NFIB: variants seen among roughly 807,000 people sequenced by gnomAD.
NFIB encodes nuclear factor I B.
Under a neutral mutation model 61.5 loss-of-function variants are expected in NFIB, and 11 were observed. That is an observed-to-expected ratio of 0.18 (90% CI 0.11 to 0.30). The LOEUF (loss-of-function observed/expected upper bound fraction) is 0.30, where lower values mean the gene tolerates loss of function less well. Ranked by LOEUF, NFIB falls within the 10% of genes least tolerant of loss-of-function variation. NFIB has a pLI of 1.00. For synonymous variants in NFIB, 260 were observed against 216.5 expected (o/e 1.20, Z -1.76); for missense variants, 471 against 608.9 (o/e 0.77, Z 2.38).
intron 6 of NFIB, among the ~76,000 whole-genome samples, chr9:14,144,474 A>G (rs1344609397): frequency 6.6e-6 from 1 of 152,128 alleles, no homozygotes; most frequent in Non-Finnish European, 1.5e-5. Flanking sequence ...CACTTCTGCA[A>G]CTCTGGTAAA....
intron 2 of NFIB, among the ~76,000 whole-genome samples, chr9:14,208,231 G>A (rs984787420): frequency 2.0e-5 from 3 of 151,810 alleles, no homozygotes; most frequent in Non-Finnish European, 4.4e-5. Context: ...AAAGCAATAC[G>A]TGGTGTTAAA....
chr9:14,145,129 A>AG (rs35601408), intron 6 of NFIB, among the ~76,000 whole-genome samples: 5,362 of 151,458 alleles, frequency 0.035, 158 homozygotes, highest in Non-Finnish European at 0.059. Context: ...ATTCCGTCTG[A>AG]GGGGGGGGTC....
intron 4 of NFIB, among the ~76,000 whole-genome samples, chr9:14,150,502 C>G (rs550749360): frequency 6.6e-6 from 1 of 151,960 alleles, no homozygotes; most frequent in Non-Finnish European, 1.5e-5. Context: ...ACCAATTTCC[C>G]GAATCCTATT....
intron 2 of NFIB, among the ~76,000 whole-genome samples, chr9:14,256,401 C>A (rs1318120429): frequency 6.6e-6 from 1 of 151,906 alleles, no homozygotes; most frequent in African/African-American, 2.4e-5. Context: ...AGACAAGAAC[C>A]CCTCCTTACA....
chr9:14,382,685 G>A (rs2061502859), intron 1 of NFIB, among the ~76,000 whole-genome samples: 1 of 152,066 alleles, frequency 6.6e-6, no homozygotes, highest in African/African-American at 2.4e-5. Flanking sequence ...AGCACTGTTT[G>A]TAACAGCCCC....
the NFIB span, among the ~76,000 whole-genome samples, chr9:14,500,348 AC>A: frequency 6.6e-6 from 1 of 152,092 alleles, no homozygotes; most frequent in Non-Finnish European, 1.5e-5. Flanking sequence ...GAACACGTTT[AC>A]CCCCACAGTG....
chr9:14,229,365 G>A (rs1280263877), intron 2 of NFIB, among the ~76,000 whole-genome samples: 1 of 152,082 alleles, frequency 6.6e-6, no homozygotes, highest in Non-Finnish European at 1.5e-5. Flanking sequence ...GCCTTATGAA[G>A]AATTATGCCA....
At chr9:14,371,989 C>T (rs1343372939) in intron 1 of NFIB, among the ~76,000 whole-genome samples, 1 of 152,118 alleles carries the variant, frequency 6.6e-6, no homozygotes, top group Non-Finnish European at 1.5e-5. Context: ...TCCAAGAACT[C>T]TTGGAAGAGA....
rs745765791 is a variant in NFIB at position 14,083,686 on chromosome 9, C to T, written c.*4623G>A. The T allele has an allele frequency of 1.0e-4, 23 of 223,502 alleles. No individual in the cohort carries two copies. The highest frequency in any genetic ancestry group is 2.0e-4 in the Non-Finnish European group (22 of 111,680). 13.8% of individuals were successfully genotyped at this position (223,502 alleles called of 1,614,324 possible). A position where few individuals can be genotyped will look rare whatever the true frequency, so the allele number is the denominator to read the frequency against. On this transcript the variant is annotated 3_prime_UTR_variant, in exon 11 of 11. Coordinates refer to ENST00000380953, the MANE Select transcript of NFIB (RefSeq NM_001190737.2). Reference sequence around the variant, plus strand: ...ACACTGAATATGGGATAACTTTCTGCAGCCTTCATCATTTCACACAGTACA... The same window carrying T: ...ACACTGAATATGGGATAACTTTCTGTAGCCTTCATCATTTCACACAGTACA...
At chr9:14,283,605 C>T (rs1211588230) in intron 2 of NFIB, among the ~76,000 whole-genome samples, 1 of 152,174 alleles carries the variant, frequency 6.6e-6, no homozygotes, top group Non-Finnish European at 1.5e-5. Context: ...GCTGCATGAA[C>T]TCAAGTTGAT....
At position 14,133,875 on chromosome 9, in the gene NFIB, TAATA is replaced by T. The variant is rs1406634019; in HGVS notation, c.926-8113_926-8110del. 2.6e-5 allele frequency among the ~76,000 whole-genome samples: 4 copies of T among 152,268 alleles called. No individual in the cohort carries two copies. In the South Asian group the frequency reaches 6.2e-4, roughly 24 times the overall value. Reference sequence around the variant, plus strand: ...AATCCTTACTTTAACAGGTTTTACCTAATAAATAAAGGACTGATGATGGGTGAGG... The same window carrying T: ...AATCCTTACTTTAACAGGTTTTACCTAATAAAGGACTGATGATGGGTGAGG... On this transcript the variant is annotated intron_variant, in intron 6 of 10. Transcript: ENST00000380953.
At chr9:14,360,226 T>G (rs977133466) in intron 1 of NFIB, among the ~76,000 whole-genome samples, 1 of 152,350 alleles carries the variant, frequency 6.6e-6, no homozygotes, top group East Asian at 1.9e-4. Context: ...AACCCTTATC[T>G]AAAGCATTCG....
At chr9:14,264,973 A>G (rs1292276325) in intron 2 of NFIB, among the ~76,000 whole-genome samples, 1 of 152,178 alleles carries the variant, frequency 6.6e-6, no homozygotes, top group Non-Finnish European at 1.5e-5. Context: ...CAGCCTAAGC[A>G]CATTCAGTTA....
chr9:14,182,911 T>G (rs2046965910), intron 2 of NFIB, among the ~76,000 whole-genome samples: 1 of 152,014 alleles, frequency 6.6e-6, no homozygotes, highest in South Asian at 2.1e-4. Flanking sequence ...TTCTATCACA[T>G]TAAGCACCAA....
intron 10 of NFIB, chr9:14,094,399 T>A (rs1250081038): frequency 1.3e-5 from 2 of 152,234 alleles, no homozygotes; most frequent in East Asian, 1.9e-4. Context: ...TTGTCTTACA[T>A]ATGTGCAGAT....
the NFIB span, among the ~76,000 whole-genome samples, chr9:14,501,044 C>G: frequency 6.6e-6 from 1 of 152,184 alleles, no homozygotes; most frequent in African/African-American, 2.4e-5. Flanking sequence ...CCACTCTGAG[C>G]ACAATGGAGG....
At chr9:14,196,727 C>T (rs1310331097) in intron 2 of NFIB, among the ~76,000 whole-genome samples, 3 of 150,734 alleles carry the variant, frequency 2.0e-5, no homozygotes, top group Non-Finnish European at 4.4e-5. Flanking sequence ...TTCATCACTC[C>T]TACCCTCAGA....
At chr9:14,183,314 T>G (rs180844440) in intron 2 of NFIB, among the ~76,000 whole-genome samples, 1 of 152,088 alleles carries the variant, frequency 6.6e-6, no homozygotes, top group Non-Finnish European at 1.5e-5. Flanking sequence ...TTGATGAAAA[T>G]TACCTTCCAG....
At chr9:14,431,861 T>G in the NFIB span, among the ~76,000 whole-genome samples, 2 of 152,186 alleles carry the variant, frequency 1.3e-5, no homozygotes, top group African/African-American at 4.8e-5. Flanking sequence ...CCAGATTGAT[T>G]GTCATATTCT....
Sources: gnomAD v4.1 joint callset for allele counts (sites outside exome capture counted in the v4.1 genomes callset) on GRCh38, gnomAD v4.1.1 for gene constraint, MANE v1.5 for transcripts, NCBI Gene and HGNC (gene_info 2026-07-23, HGNC 2026-07-21) for gene names.